LARP1B: variants seen among roughly 807,000 people sequenced by gnomAD.
The protein encoded by LARP1B is la-related protein 1B.
Under a neutral mutation model 114.2 loss-of-function variants are expected in LARP1B, and 76 were observed. That is an observed-to-expected ratio of 0.67 (90% CI 0.55 to 0.81). The LOEUF (loss-of-function observed/expected upper bound fraction) is 0.81, where lower values mean the gene tolerates loss of function less well. Among genes scored for constraint, LARP1B ranks in the 30% least tolerant of loss-of-function variants. The pLI, the probability that LARP1B is intolerant of heterozygous loss-of-function variation, is 0.00. For missense variants in LARP1B, 1,014 were observed against 1,075.8 expected (o/e 0.94, Z 0.80); for synonymous variants, 345 against 348.0 (o/e 0.99, Z 0.10).
chr4:128,114,098 A>G (rs141668124), intron 9 of LARP1B, among the ~76,000 whole-genome samples: 1 of 152,224 alleles, frequency 6.6e-6, no homozygotes, highest in Non-Finnish European at 1.5e-5. Context: ...GAGCCAAGGA[A>G]ATGTGAAAAG....
At chr4:128,205,686 C>T (rs576969057) in intron 17 of LARP1B, among the ~76,000 whole-genome samples, 4 of 89,714 alleles carry the variant, frequency 4.5e-5, no homozygotes, top group South Asian at 9.9e-4. Context: ...AGGGCACAGC[C>T]GTACAGTCTT....
intron 2 of LARP1B, among the ~76,000 whole-genome samples, 161 bp downstream of exon 2, chr4:128,074,679 A>G (rs1026110739): frequency 1.3e-5 from 2 of 152,224 alleles, no homozygotes; most frequent in Non-Finnish European, 2.9e-5. Flanking sequence ...AAATCTCTAT[A>G]TATGCCTTTG....
intron 15 of LARP1B, among the ~76,000 whole-genome samples, chr4:128,195,459 A>T (rs1273339692): frequency 1.3e-5 from 2 of 152,106 alleles, no homozygotes; most frequent in East Asian, 3.8e-4. Context: ...AGGTATATTT[A>T]TTCATTGTGG....
At chr4:128,182,304 G>C (rs1244194345) in intron 15 of LARP1B, among the ~76,000 whole-genome samples, 3 of 151,790 alleles carry the variant, frequency 2.0e-5, no homozygotes, top group Non-Finnish European at 4.4e-5. Flanking sequence ...TATAGAGATG[G>C]GGTCTCTGCT....
At chr4:128,204,667 A>G (rs555752712) in intron 17 of LARP1B, among the ~76,000 whole-genome samples, 1 of 150,028 alleles carries the variant, frequency 6.7e-6, no homozygotes, top group Admixed American at 6.6e-5. Flanking sequence ...AAAAAAAAAA[A>G]ATTAAAATTA....
intron 11 of LARP1B, 41 bp from the exon 12 acceptor site, chr4:128,162,153 G>T (rs1255914999): frequency 6.3e-7 from 1 of 1,599,580 alleles, no homozygotes. Flanking sequence ...TGGTTACTCT[G>T]TTAGCCAGTT....
At chr4:128,091,185 G>GA in intron 6 of LARP1B, 41 bp downstream of exon 6, 1 of 1,589,554 alleles carries the variant, frequency 6.3e-7, no homozygotes, top group Non-Finnish European at 8.5e-7. Context: ...GATAAACTTT[G>GA]AAAAAAATAG....
intron 11 of LARP1B, among the ~76,000 whole-genome samples, chr4:128,149,059 G>C (rs1008931210): frequency 6.6e-6 from 1 of 152,168 alleles, no homozygotes; most frequent in Non-Finnish European, 1.5e-5. Context: ...GGACATTATC[G>C]AAATGTATTC....
chr4:128,220,175 G>A (rs1759901763), intron 6 of LARP1B, among the ~76,000 whole-genome samples: 1 of 152,162 alleles, frequency 6.6e-6, no homozygotes, highest in African/African-American at 2.4e-5. Context: ...GTGAGCCACT[G>A]CTCCTGGCTA....
intron 9 of LARP1B, chr4:128,108,716 A>G: frequency 8.1e-6 from 8 of 984,866 alleles, no homozygotes; most frequent in Non-Finnish European, 9.6e-6. Context: ...TTTATTTATG[A>G]TATCAACTTG....
intron 11 of LARP1B, among the ~76,000 whole-genome samples, chr4:128,159,128 G>A (rs939813229): frequency 1.1e-4 from 16 of 150,412 alleles, no homozygotes; most frequent in Admixed American, 1.0e-3. Flanking sequence ...AGCTGTGGTC[G>A]TACCACTGCG....
At chr4:128,090,889 A>G (rs1301647991) in intron 5 of LARP1B, 112 bp from the exon 6 acceptor site, 8 of 723,254 alleles carry the variant, frequency 1.1e-5, no homozygotes, top group South Asian at 4.2e-5. Context: ...ATGCCTGGCT[A>G]CTGTTCATTA....
At chr4:128,157,719 CAAAT>C (rs533102426) in intron 11 of LARP1B, among the ~76,000 whole-genome samples, 3 of 151,960 alleles carry the variant, frequency 2.0e-5, no homozygotes, top group East Asian at 1.9e-4. Flanking sequence ...TTAAGGTAAA[CAAAT>C]AAGTGAATTG....
chr4:128,137,395 A>G (rs1004257001), intron 11 of LARP1B, among the ~76,000 whole-genome samples: 2 of 152,212 alleles, frequency 1.3e-5, no homozygotes, highest in Non-Finnish European at 2.9e-5. Flanking sequence ...AGCAGTTCCT[A>G]TACATTACAT....
intron 1 of LARP1B, chr4:128,062,259 G>A (rs392081): frequency 1.0e-6 from 1 of 985,454 alleles, no homozygotes; most frequent in Non-Finnish European, 1.2e-6. Flanking sequence ...CAGGGTGCGG[G>A]CAGGGGCGAC....
In LARP1B at chr4:128,154,076, T is replaced by A. The variant is rs531042036; in HGVS notation, c.1525-8118T>A. 1.2e-3 allele frequency among the ~76,000 whole-genome samples: 182 copies of A among 152,348 alleles called. 2 individuals are homozygous for A. The highest frequency in any genetic ancestry group is 1.8e-3 in the Admixed American group (28 of 15,308). On this transcript the variant is annotated intron_variant, in intron 11 of 19. Transcript: ENST00000326639. ...TCTAGCTTAACTCTTGTCAGAGTAGTCTTTCCTCCTTATTTCTCATTTCAT... is the reference window on the plus strand; with the variant it reads ...TCTAGCTTAACTCTTGTCAGAGTAGACTTTCCTCCTTATTTCTCATTTCAT...
rs1764236815 is a variant in LARP1B at position 128,069,211 on chromosome 4, T to TATGGA, written c.-77-5243_-77-5239dup. 2.9e-5 allele frequency: 32 copies of TATGGA among 1,092,920 alleles called. No individual in the cohort carries two copies. The South Asian group carries it at 3.7e-4, about 13-fold the overall frequency. The allele number at this position is 1,092,920 out of a possible 1,614,324, so 67.7% of individuals were successfully genotyped here. On this transcript the variant is annotated intron_variant, in intron 1 of 19. Coordinates refer to ENST00000326639, the MANE Select transcript of LARP1B (RefSeq NM_018078.4). ...GTGTCAGGATTTCTTCTGATAGCTT[T>TATGGA]ATGGAATGGATCAATGAGGATAACC...
At chr4:128,075,136 T>C (rs1488253003) in intron 3 of LARP1B, 143 bp downstream of exon 3, 3 of 630,226 alleles carry the variant, frequency 4.8e-6, no homozygotes, top group Non-Finnish European at 5.6e-6. Context: ...AGGGTCTTGC[T>C]CTGTCTCCAG....
chr4:128,061,225 G>A (rs1290654830), upstream of LARP1B: 3 of 152,092 alleles, frequency 2.0e-5, no homozygotes, highest in African/African-American at 4.8e-5. Context: ...AGAAGGACCC[G>A]GTGAGTAGCC....
Sources: allele counts gnomAD v4.1 joint callset (sites outside exome capture counted in the v4.1 genomes callset), GRCh38; gene constraint gnomAD v4.1.1; transcripts MANE v1.5; gene names NCBI Gene and HGNC (gene_info 2026-07-23, HGNC 2026-07-21).